RINT1: variants seen among roughly 807,000 people sequenced by gnomAD.
The protein encoded by RINT1 is RAD50 interactor 1, also known as RAD50-interacting protein 1.
In RINT1, 75 loss-of-function variants were observed where a neutral mutation model predicts 97.7. The observed-to-expected ratio is 0.77, with a 90% CI of 0.64 to 0.93. The LOEUF (loss-of-function observed/expected upper bound fraction) is 0.93. RINT1 is among the 40% of genes least tolerant of loss of function. The pLI, the probability that RINT1 is intolerant of heterozygous loss-of-function variation, is 0.00. For synonymous variants in RINT1, 303 were observed against 326.3 expected (o/e 0.93, Z 0.77); for missense variants, 892 against 925.2 (o/e 0.96, Z 0.47).
intron 10 of RINT1, among the ~76,000 whole-genome samples, chr7:105,552,092 T>C (rs1316061980): frequency 6.6e-6 from 1 of 152,122 alleles, no homozygotes; most frequent in Non-Finnish European, 1.5e-5. Flanking sequence ...AATAAGTGGC[T>C]CAGCAAATTA....
At chr7:105,543,828 C>T (rs537840192) in intron 4 of RINT1, among the ~76,000 whole-genome samples, 1 of 152,018 alleles carries the variant, frequency 6.6e-6, no homozygotes, top group East Asian at 1.9e-4. Context: ...CAGTGGCTCA[C>T]ACCTGTAATC....
In RINT1 at chr7:105,563,792, TA is replaced by T; in HGVS notation, c.1734del (p.Lys578AsnfsTer4). ...TGTTTGCAGAGAATAATACTCTGAG[TA>T]AATTGCAGCTAGGACAGCTAGCCTC... ...EVFAENNTLS[K>X]LQLGQLASME... On this transcript the variant is annotated frameshift_variant, in exon 12 of 15. Coordinates refer to ENST00000257700, the MANE Select transcript of RINT1 (RefSeq NM_021930.6). LOFTEE classifies it high-confidence loss of function. The T allele has an allele frequency of 6.2e-7, 1 of 1,614,190 alleles. No homozygotes were observed. Among genetic ancestry groups the T allele is most frequent in the South Asian group, 1.1e-5 (1 of 91,084 alleles).
intron 2 of RINT1, chr7:105,535,807 G>A (rs1790208384): frequency 3.7e-6 from 1 of 269,440 alleles, no homozygotes; most frequent in Non-Finnish European, 7.4e-6. Flanking sequence ...CACAGTGCTG[G>A]GATTACAGGT....
At chr7:105,562,092 T>C (rs2133454471) in intron 11 of RINT1, among the ~76,000 whole-genome samples, 1 of 152,326 alleles carries the variant, frequency 6.6e-6, no homozygotes, top group East Asian at 1.9e-4. Context: ...AATACTGGTG[T>C]GTGTATGTCA....
At position 105,532,283 on chromosome 7, in the gene RINT1, G is replaced by C. The variant is rs772783852; in HGVS notation, c.-33G>C. On this transcript the variant is annotated 5_prime_UTR_variant, in exon 1 of 15. Coordinates refer to ENST00000257700, the MANE Select transcript of RINT1 (RefSeq NM_021930.6). Reference sequence around the variant, plus strand: ...CCAGACTCCACAGGCCACGCTGGCTGCGAATGGAGCCGAGGACTCGCGCGG... The same window carrying C: ...CCAGACTCCACAGGCCACGCTGGCTCCGAATGGAGCCGAGGACTCGCGCGG... 6 of 1,560,908 alleles carry C rather than the reference G, an allele frequency of 3.8e-6. No homozygotes were observed. Among genetic ancestry groups the C allele is most frequent in the Admixed American group, 1.9e-5 (1 of 53,250 alleles).
intron 1 of RINT1, 84 bp downstream of exon 1, chr7:105,532,441 G>A (rs925463138): frequency 2.1e-6 from 3 of 1,439,548 alleles, no homozygotes; most frequent in African/African-American, 2.8e-5. Flanking sequence ...TAGTCCCGGT[G>A]CGGTGGCCCT....
rs2133373369 is a variant in RINT1 at position 105,542,502 on chromosome 7, A to G, written c.368A>G (p.Gln123Arg). 2 of 1,614,058 alleles carry G rather than the reference A, an allele frequency of 1.2e-6. No individual in the cohort carries two copies. Among genetic ancestry groups the G allele is most frequent in the Non-Finnish European group, 8.5e-7 (1 of 1,179,902 alleles). The change falls in exon 4 of 15, where the codon CAG becomes CGG. Residue 123 changes from glutamine to arginine, a missense_variant. Coordinates refer to ENST00000257700, the MANE Select transcript of RINT1 (RefSeq NM_021930.6). ...CAATTTCTTAATCAGTTTCTGGAGCAGGAAACTCATCTCTTCAGCGCCATT... is the reference window on the plus strand; with the variant it reads ...CAATTTCTTAATCAGTTTCTGGAGCGGGAAACTCATCTCTTCAGCGCCATT... ...SKQFLNQFLEQETHLFSAINS... is the reference protein window; with the variant it reads ...SKQFLNQFLERETHLFSAINS...
Position 105,565,418 on chromosome 7 carries a change from A to G in RINT1, c.2028A>G (p.Gln676=), listed in dbSNP as rs750563744. 10 of 1,614,216 alleles carry G rather than the reference A, an allele frequency of 6.2e-6. No homozygotes were observed. Among genetic ancestry groups the G allele is most frequent in the South Asian group, 5.5e-5 (5 of 91,090 alleles). Residue 676 remains glutamine (Q), a synonymous_variant, in exon 13 of 15, where the codon CAA becomes CAG. Transcript: ENST00000257700. ...LCFSLFKIFW[Q]MLVEKLDVYI... ...TCTCCTTATTTAAAATTTTCTGGCA[A>G]ATGCTTGTAGAGAAGCTGGATGTAT...
chr7:105,565,266 G>GT lies in RINT1; in HGVS notation c.1887-5dup, dbSNP rs770175502. On this transcript the variant is annotated splice_polypyrimidine_tract_variant and intron_variant, in intron 12 of 14. Coordinates refer to ENST00000257700, the MANE Select transcript of RINT1 (RefSeq NM_021930.6). ...GATGAAAATTTTTTGGTAAAAATGT[G>GT]TTTTTTCCAGATGGTTGTCCTTGCC... 9.0e-6 allele frequency: 14 copies of GT among 1,561,096 alleles called. No individual in the cohort carries two copies. The highest frequency in any genetic ancestry group is 1.2e-5 in the South Asian group (1 of 84,154).
chr7:105,559,316 G>A (rs957714806), intron 11 of RINT1, among the ~76,000 whole-genome samples: 2 of 151,970 alleles, frequency 1.3e-5, no homozygotes, highest in Admixed American at 6.6e-5. Context: ...CGAGGCAGGC[G>A]GATCACCTGA....
At chr7:105,545,768 G>T (rs1045575829) in intron 4 of RINT1, among the ~76,000 whole-genome samples, 1 of 151,048 alleles carries the variant, frequency 6.6e-6, no homozygotes, top group Non-Finnish European at 1.5e-5. Flanking sequence ...GACCTCCGGT[G>T]ATCCACCCAT....
rs529671943 is a variant in RINT1, at chr7:105,563,672, A to G, written c.1672-61A>G. On this transcript the variant is annotated intron_variant, in intron 11 of 14. Coordinates refer to ENST00000257700, the MANE Select transcript of RINT1 (RefSeq NM_021930.6). ...AATGGGTGAATTGTATGACATATGA[A>G]TTCTATTTCAAACTGTTAAAAAAAA... 313 of 1,352,160 alleles carry G rather than the reference A, an allele frequency of 2.3e-4. 1 individual carries two copies. Among genetic ancestry groups the G allele is most frequent in the Non-Finnish European group, 3.1e-4 (291 of 952,996 alleles). 83.8% of individuals were successfully genotyped at this position (1,352,160 alleles called of 1,614,324 possible). A position where few individuals can be genotyped will look rare whatever the true frequency, so the allele number is the denominator to read the frequency against.
In RINT1 at chr7:105,565,383, C is replaced by T. The variant is rs1309784956; in HGVS notation, c.1993C>T (p.Gln665Ter). Residue 665 changes from glutamine (Q) to a stop codon, truncating the protein, a stop_gained, in exon 13 of 15, where the codon CAG becomes TAG. Transcript: ENST00000257700. LOFTEE classifies it high-confidence loss of function. ...AGACCATTTACTTCAGTTGGAGCAGCAGCTTTGTTTCTCCTTATTTAAAAT... is the reference window on the plus strand; with the variant it reads ...AGACCATTTACTTCAGTTGGAGCAGTAGCTTTGTTTCTCCTTATTTAAAAT... ...LRDHLLQLEQ[Q>*]LCFSLFKIFW... 6.2e-7 allele frequency: 1 copy of T among 1,614,198 alleles called. No individual in the cohort carries two copies. The highest frequency in any genetic ancestry group is 8.5e-7 in the Non-Finnish European group (1 of 1,180,034).
At chr7:105,557,971 T>C (rs541990023) in intron 11 of RINT1, among the ~76,000 whole-genome samples, 9 of 152,294 alleles carry the variant, frequency 5.9e-5, no homozygotes, top group African/African-American at 1.9e-4. Flanking sequence ...AAAACAATTA[T>C]TTCATAATAT....
rs1262309589 is a variant in RINT1, at chr7:105,564,566, C to T, written c.1886+619C>T. On this transcript the variant is annotated intron_variant, in intron 12 of 14. Transcript: ENST00000257700. ...TCCCACTACCATTCACTGTGAACAC[C>T]TGTGTTACTTTCATCCTTGATAGCA... is the stretch of plus-strand genomic sequence containing the variant. 2.6e-5 allele frequency among the ~76,000 whole-genome samples: 4 copies of T among 152,270 alleles called. No individual in the cohort carries two copies. In the East Asian group the frequency reaches 7.7e-4, roughly 29 times the overall value.
rs1554368693 is a variant in RINT1 at position 105,567,100 on chromosome 7, C to T, written c.2187-19C>T. ...AGATAATGGAGATCTCATTTCCCTC[C>T]TTTGTTTTCCCTAAACAGTATAAAA... On this transcript the variant is annotated intron_variant, in intron 14 of 14. Coordinates refer to ENST00000257700, the MANE Select transcript of RINT1 (RefSeq NM_021930.6). The T allele has an allele frequency of 6.9e-7, 1 of 1,458,040 alleles. No individual in the cohort carries two copies. The highest frequency in any genetic ancestry group is 1.5e-5 in the South Asian group (1 of 65,000). The allele number at this position is 1,458,040 out of a possible 1,614,324, so 90.3% of individuals were successfully genotyped here. A position where few individuals can be genotyped will look rare whatever the true frequency, so the allele number is the denominator to read the frequency against.
chr7:105,560,554 A>AATT (rs1358461894), intron 11 of RINT1, among the ~76,000 whole-genome samples: 2 of 152,166 alleles, frequency 1.3e-5, no homozygotes, highest in Non-Finnish European at 2.9e-5. Context: ...TGTATAAAAA[A>AATT]ATTAACCACC....
chr7:105,547,417 T>C (rs958512505), intron 6 of RINT1, 84 bp downstream of exon 6: 44 of 1,410,164 alleles, frequency 3.1e-5, no homozygotes, highest in Admixed American at 3.9e-5. Flanking sequence ...TTTTTCAAAG[T>C]GGCCAAGAAA....
At position 105,567,581 on chromosome 7, in the gene RINT1, GATATT is replaced by G. The variant is rs1174371415; in HGVS notation, c.*272_*276del. 8 of 603,906 alleles carry G rather than the reference GATATT, an allele frequency of 1.3e-5. No homozygotes were observed. The highest frequency in any genetic ancestry group is 1.1e-4 in the African/African-American group (6 of 53,608). The allele number at this position is 603,906 out of a possible 1,614,324, so 37.4% of individuals were successfully genotyped here. ...AGTATGTCTGTTGAAGACGAGCAGAGATATTAAATTATAACCAACTTTCAATTTCC... is the reference window on the plus strand; with the variant it reads ...AGTATGTCTGTTGAAGACGAGCAGAGAAATTATAACCAACTTTCAATTTCC... On this transcript the variant is annotated 3_prime_UTR_variant, in exon 15 of 15. Transcript: ENST00000257700.
Sources: allele counts gnomAD v4.1 joint callset (sites outside exome capture counted in the v4.1 genomes callset), GRCh38; gene constraint gnomAD v4.1.1; transcripts MANE v1.5; gene names NCBI Gene and HGNC (gene_info 2026-07-23, HGNC 2026-07-21).